Variants in SPTBN1 observed in about 807,000 individuals in gnomAD.
SPTBN1 encodes spectrin beta, non-erythrocytic 1, also known as spectrin beta chain, non-erythrocytic 1.
A neutral mutation model predicts 266.4 loss-of-function variants in SPTBN1; 32 were observed. The ratio of observed to expected loss-of-function variants is 0.12; its 90% CI spans 0.09 to 0.16. The LOEUF (loss-of-function observed/expected upper bound fraction) is 0.16. Ranked by LOEUF, SPTBN1 falls within the 10% of genes least tolerant of loss-of-function variation. The probability of loss-of-function intolerance (pLI) is 1.00; values close to 1 mark genes in which losing one functional copy is unlikely to be tolerated. For synonymous variants in SPTBN1, 1,336 were observed against 1,162.2 expected (o/e 1.15, Z -3.04); for missense variants, 2,296 against 3,067.1 (o/e 0.75, Z 5.94).
chr2:54,514,917 C>T (rs1465808913), intron 1 of SPTBN1, among the ~76,000 whole-genome samples: 2 of 152,180 alleles, frequency 1.3e-5, no homozygotes, highest in Non-Finnish European at 2.9e-5. Context: ...CCCTTCTTGC[C>T]TGGGGACTAG....
At position 54,629,328 on chromosome 2, in the gene SPTBN1, C is replaced by G. The variant is rs1678572422; in HGVS notation, c.2194C>G (p.Leu732Val). 2.2e-5 allele frequency: 35 copies of G among 1,613,936 alleles called. No individual in the cohort carries two copies. The East Asian group carries it at 7.6e-4, about 35-fold the overall frequency. ...GGAGCAGTGGGCCAACCTAGAGCAGCTCTCGGCCATTCGGAAGAAGCGCCT... is the reference window on the plus strand; with the variant it reads ...GGAGCAGTGGGCCAACCTAGAGCAGGTCTCGGCCATTCGGAAGAAGCGCCT... ...IREQWANLEQ[L>V]SAIRKKRLEE... is the part of the protein sequence containing the mutation. The change falls in exon 14 of 36, where the codon CTC (leucine) becomes GTC (valine). Residue 732 changes from leucine (L) to valine (V), a missense_variant. By Grantham distance (32) the Leu-to-Val change is conservative. Around this residue, in one of 12 missense-constraint regions of SPTBN1, gnomAD observed 434 missense variants for 573.9 expected, o/e 0.76. Transcript: ENST00000356805.
intron 1 of SPTBN1, among the ~76,000 whole-genome samples, chr2:54,484,827 C>G (rs776406525): frequency 6.6e-6 from 1 of 152,112 alleles, no homozygotes; most frequent in Admixed American, 6.5e-5. Flanking sequence ...GCCTCAAGCA[C>G]CAGAATACGT....
intron 2 of SPTBN1, among the ~76,000 whole-genome samples, chr2:54,543,397 C>T (rs1672048737): frequency 6.6e-6 from 1 of 152,078 alleles, no homozygotes; most frequent in African/African-American, 2.4e-5. Flanking sequence ...AAAGGCCTTC[C>T]ATATTGAGAA....
intron 7 of SPTBN1, among the ~76,000 whole-genome samples, chr2:54,619,815 C>G (rs896158089): frequency 6.6e-6 from 1 of 152,134 alleles, no homozygotes; most frequent in South Asian, 2.1e-4. Context: ...GATTCTGGCC[C>G]TCACAACCAC....
intron 1 of SPTBN1, among the ~76,000 whole-genome samples, chr2:54,480,852 C>G (rs1037340993): frequency 2.0e-5 from 3 of 152,028 alleles, no homozygotes; most frequent in Non-Finnish European, 4.4e-5. Context: ...GCAGGGGAGT[C>G]CATTAGTTAA....
rs1671375945 is a variant in SPTBN1, at chr2:54,533,345, G to C, written c.148+6779G>C. Among the ~76,000 whole-genome samples, 1 of 140,706 alleles carries C rather than the reference G, an allele frequency of 7.1e-6. No homozygotes were observed. The highest frequency in any genetic ancestry group is 1.5e-5 in the Non-Finnish European group (1 of 65,786). 92.3% of individuals were successfully genotyped at this position (140,706 alleles called of 152,430 possible). A position where few individuals can be genotyped will look rare whatever the true frequency, so the allele number is the denominator to read the frequency against. ...GGAAAGTGAAACCCAGGCTAAAGGG[G>C]ACTAGTGTGTGTGTGTGTGTGTGTG... is the stretch of plus-strand genomic sequence containing the variant. On this transcript the variant is annotated intron_variant, in intron 2 of 35. Transcript: ENST00000356805. This position sits in a 1 kb window ranked among gnomAD's most constrained non-coding sequence, Gnocchi z 4.2.
chr2:54,461,306 G>A (rs1693357173), intron 1 of SPTBN1, among the ~76,000 whole-genome samples: 1 of 152,162 alleles, frequency 6.6e-6, no homozygotes, highest in South Asian at 2.1e-4. Flanking sequence ...TTCACCTGCT[G>A]TATAGTATTC....
chr2:54,515,872 C>A (rs1460317035), intron 1 of SPTBN1: 1 of 152,056 alleles, frequency 6.6e-6, no homozygotes, highest in African/African-American at 2.4e-5. Context: ...AATTTTCATG[C>A]CATAGATACA....
Position 54,649,710 on chromosome 2 carries a change from C to G in SPTBN1, c.5298C>G (p.Ile1766Met). 1 of 1,614,180 alleles carries G rather than the reference C, an allele frequency of 6.2e-7. No individual in the cohort carries two copies. The highest frequency in any genetic ancestry group is 8.5e-7 in the Non-Finnish European group (1 of 1,180,036). Reference protein sequence around the residue: ...DTVNHLADELINSGHSDAATI... With the variant: ...DTVNHLADELMNSGHSDAATI... Reference sequence around the variant, plus strand: ...TCAATCACCTGGCAGATGAGCTCATCAACTCTGGACATTCAGATGCCGCCA... The same window carrying G: ...TCAATCACCTGGCAGATGAGCTCATGAACTCTGGACATTCAGATGCCGCCA... The change falls in exon 26 of 36, where the codon ATC (isoleucine) becomes ATG (methionine). Residue 1766 changes from isoleucine to methionine, a missense_variant. Transcript: ENST00000356805. This position sits in a 1 kb window ranked among gnomAD's most constrained non-coding sequence, Gnocchi z 6.7.
chr2:54,538,730 T>C (rs1671760432), intron 2 of SPTBN1, among the ~76,000 whole-genome samples: 1 of 152,226 alleles, frequency 6.6e-6, no homozygotes, highest in Non-Finnish European at 1.5e-5. Flanking sequence ...TGGGTGAGGC[T>C]GATAAGAATT....
chr2:54,530,604 G>A (rs544515145), intron 2 of SPTBN1, among the ~76,000 whole-genome samples: 10 of 151,970 alleles, frequency 6.6e-5, no homozygotes, highest in Non-Finnish European at 8.8e-5. Context: ...TGATCTGCCC[G>A]CCTCGGCCTC....
intron 2 of SPTBN1, among the ~76,000 whole-genome samples, chr2:54,597,030 G>A (rs180839613): frequency 6.6e-6 from 1 of 152,296 alleles, no homozygotes; most frequent in African/African-American, 2.4e-5. Flanking sequence ...AACACATTTT[G>A]TGCTTGTTTA....
chr2:54,496,578 TCA>T (rs1668984322), intron 1 of SPTBN1, among the ~76,000 whole-genome samples: 1 of 152,188 alleles, frequency 6.6e-6, no homozygotes, highest in Non-Finnish European at 1.5e-5. Flanking sequence ...AGATGTAAGT[TCA>T]GTTATTTTTC....
chr2:54,477,798 C>G (rs1016329894), intron 1 of SPTBN1, among the ~76,000 whole-genome samples: 2 of 152,110 alleles, frequency 1.3e-5, no homozygotes, highest in African/African-American at 4.8e-5. Context: ...GTTATCCCAG[C>G]TACTCAGGAG....
intron 18 of SPTBN1, among the ~76,000 whole-genome samples, chr2:54,642,110 C>A (rs901534748): frequency 6.6e-6 from 1 of 152,176 alleles, no homozygotes; most frequent in Non-Finnish European, 1.5e-5. Flanking sequence ...GTTAGCAAAG[C>A]AAATGGGGCG....
chr2:54,579,007 A>G (rs1346121916), intron 2 of SPTBN1, among the ~76,000 whole-genome samples: 3 of 152,156 alleles, frequency 2.0e-5, no homozygotes, highest in Non-Finnish European at 2.9e-5. Context: ...TGAGGGTGCT[A>G]TAGAGAAGCC....
intron 2 of SPTBN1, among the ~76,000 whole-genome samples, chr2:54,564,480 G>A (rs75857274): frequency 6.6e-6 from 1 of 152,116 alleles, no homozygotes; most frequent in African/African-American, 2.4e-5. Flanking sequence ...TCTCCCCACA[G>A]CAGGGCCCTG....
At chr2:54,528,169 G>C (rs929846121) in intron 2 of SPTBN1, 2 of 152,636 alleles carry the variant, frequency 1.3e-5, no homozygotes, top group African/African-American at 4.8e-5. Flanking sequence ...AAAGTGATTT[G>C]TATTTTAATC....
At position 54,533,349 on chromosome 2, in the gene SPTBN1, A is replaced by AGTGT. The variant is rs56027497; in HGVS notation, c.148+6826_148+6829dup. Among the ~76,000 whole-genome samples, 3,173 of 141,908 alleles carry AGTGT rather than the reference A, an allele frequency of 0.022. 39 individuals carry two copies. Among genetic ancestry groups the AGTGT allele is most frequent in the African/African-American group, 0.028 (1,045 of 37,780 alleles). The allele number at this position is 141,908 out of a possible 152,430, so 93.1% of individuals were successfully genotyped here. A position where few individuals can be genotyped will look rare whatever the true frequency, so the allele number is the denominator to read the frequency against. ...AGTGAAACCCAGGCTAAAGGGGACTAGTGTGTGTGTGTGTGTGTGTGTGTG... is the reference window on the plus strand; with the variant it reads ...AGTGAAACCCAGGCTAAAGGGGACTAGTGTGTGTGTGTGTGTGTGTGTGTGTGTG... On this transcript the variant is annotated intron_variant, in intron 2 of 35. Coordinates refer to ENST00000356805, the MANE Select transcript of SPTBN1 (RefSeq NM_003128.3). The surrounding 1 kb of genome is among the most constrained non-coding windows in gnomAD (Gnocchi z 4.2).
Sources: allele counts gnomAD v4.1 joint callset (sites outside exome capture counted in the v4.1 genomes callset), GRCh38; gene constraint gnomAD v4.1.1; regional missense constraint gnomAD v4.1.1; non-coding constraint Gnocchi (gnomAD v3.1); transcripts MANE v1.5; gene names NCBI Gene and HGNC (gene_info 2026-07-23, HGNC 2026-07-21).